The following PLCB4 variants were observed in gnomAD, a reference collection of about 807,000 sequenced individuals.
PLCB4 encodes 1-phosphatidylinositol 4,5-bisphosphate phosphodiesterase beta-4.
In PLCB4, 77 loss-of-function variants were observed where a neutral mutation model predicts 178.8. The observed-to-expected ratio is 0.43, with a 90% CI of 0.36 to 0.52. The LOEUF (loss-of-function observed/expected upper bound fraction) is 0.52. Ranked by LOEUF, PLCB4 falls within the 20% of genes least tolerant of loss-of-function variation. PLCB4 has a pLI of 0.00. For missense variants in PLCB4, 1,024 were observed against 1,453.4 expected (o/e 0.70, Z 4.80); for synonymous variants, 496 against 490.8 (o/e 1.01, Z -0.14).
intron 15 of PLCB4, 74 bp downstream of exon 15, chr20:9,387,630 AAAAC>A: frequency 3.0e-6 from 2 of 663,876 alleles, no homozygotes; most frequent in Non-Finnish European, 5.3e-6. Flanking sequence ...TGGAGAAGAG[AAAAC>A]AAATGATTCA....
chr20:9,274,320 C>G (rs1320564137), intron 3 of PLCB4, among the ~76,000 whole-genome samples: 2 of 152,028 alleles, frequency 1.3e-5, no homozygotes, highest in Non-Finnish European at 2.9e-5. Context: ...CGAATACTTT[C>G]AGTAAACTTT....
Position 9,337,166 on chromosome 20 carries a change from A to T in PLCB4, c.125A>T (p.Asp42Val). 6.2e-7 allele frequency: 1 copy of T among 1,613,364 alleles called. No individual in the cohort carries two copies. Residue 42 changes from aspartate to valine, a missense_variant, in exon 5 of 40, where the codon GAT becomes GTT. Physicochemically the swap from Asp to Val is radical, Grantham distance 152. Transcript: ENST00000378473. Reference protein sequence around the residue: ...VFEPNCLFKVDEFGFFLTWRS... With the variant: ...VFEPNCLFKVVEFGFFLTWRS... ...GAACCCAACTGCCTCTTCAAAGTGGATGAGTTTGGCTTCTTTCTGACATGG... is the reference window on the plus strand; with the variant it reads ...GAACCCAACTGCCTCTTCAAAGTGGTTGAGTTTGGCTTCTTTCTGACATGG...
At chr20:9,310,436 C>T (rs960413136) in intron 4 of PLCB4, among the ~76,000 whole-genome samples, 3 of 152,120 alleles carry the variant, frequency 2.0e-5, no homozygotes, top group African/African-American at 2.4e-5. Flanking sequence ...AGCAGCTGGG[C>T]ACAGTGTCTT....
intron 1 of PLCB4, among the ~76,000 whole-genome samples, chr20:9,076,550 GC>G (rs1379750472): frequency 6.6e-6 from 1 of 152,160 alleles, no homozygotes; most frequent in Non-Finnish European, 1.5e-5. Context: ...AGGTTCTCTT[GC>G]CTGCCTCACT....
At chr20:9,324,727 A>G (rs2030140636) in intron 4 of PLCB4, among the ~76,000 whole-genome samples, 1 of 152,094 alleles carries the variant, frequency 6.6e-6, no homozygotes, top group Non-Finnish European at 1.5e-5. Flanking sequence ...CTTATTTTAG[A>G]CACAATAAAA....
intron 35 of PLCB4, among the ~76,000 whole-genome samples, chr20:9,462,620 G>A (rs1399211905): frequency 6.6e-6 from 1 of 152,172 alleles, no homozygotes; most frequent in East Asian, 1.9e-4. Context: ...CGTGACACAT[G>A]CACAAGCTTC....
Position 9,410,901 on chromosome 20 carries a change from C to A in PLCB4, c.2000-136C>A, listed in dbSNP as rs1315894045. On this transcript the variant is annotated intron_variant, in intron 24 of 39. Coordinates refer to ENST00000378473, the MANE Select transcript of PLCB4 (RefSeq NM_001377142.1). ...TGGAAGAGAGTATGCCTTAAATAGA[C>A]CAAGCAGAACCTTGTAGTATTAAAG... 9 of 623,852 alleles carry A rather than the reference C, an allele frequency of 1.4e-5. No individual in the cohort carries two copies. The South Asian group carries it at 1.6e-4, about 11-fold the overall frequency. The allele number at this position is 623,852 out of a possible 1,614,324, so 38.6% of individuals were successfully genotyped here. A position where few individuals can be genotyped will look rare whatever the true frequency, so the allele number is the denominator to read the frequency against.
intron 3 of PLCB4, among the ~76,000 whole-genome samples, chr20:9,244,759 T>C (rs959501265): frequency 6.6e-6 from 1 of 152,244 alleles, no homozygotes; most frequent in Admixed American, 6.5e-5. Context: ...TTGCAATAAA[T>C]AGTAGGCACC....
intron 30 of PLCB4, 72 bp downstream of exon 30, chr20:9,437,224 T>G: frequency 9.1e-6 from 12 of 1,317,404 alleles, no homozygotes; most frequent in Non-Finnish European, 1.3e-5. Flanking sequence ...ATCTATAGCT[T>G]TAGGAAATAT....
chr20:9,176,496 A>G lies in PLCB4; in HGVS notation c.-78-40894A>G, dbSNP rs141399720. Among the ~76,000 whole-genome samples, 360 of 152,306 alleles carry G rather than the reference A, an allele frequency of 2.4e-3. 1 individual carries two copies. Among genetic ancestry groups the G allele is most frequent in the Middle Eastern group, 0.014 (4 of 294 alleles). On this transcript the variant is annotated intron_variant, in intron 2 of 39. Coordinates refer to ENST00000378473, the MANE Select transcript of PLCB4 (RefSeq NM_001377142.1). The stretch of plus-strand genomic sequence containing the variant: ...TTTTCACTAGGCCATTTTTACATGT[A>G]TTATCAGACAAATAGAAAAAAACCT...
chr20:9,250,643 G>T (rs1018654527), intron 3 of PLCB4, among the ~76,000 whole-genome samples: 35 of 152,352 alleles, frequency 2.3e-4, no homozygotes, highest in African/African-American at 8.2e-4. Flanking sequence ...TCTTGCAGGT[G>T]AGGGATTCAA....
At position 9,174,094 on chromosome 20, in the gene PLCB4, C is replaced by T. The variant is rs903587802; in HGVS notation, c.-78-43296C>T. On this transcript the variant is annotated intron_variant, in intron 2 of 39. Transcript: ENST00000378473. ...AAAATAAAACAACTCTCCTTTATTT[C>T]TTGGCTTGGTTTTGCTGCTACTGCT... is the stretch of plus-strand genomic sequence containing the variant. Among the ~76,000 whole-genome samples, 7 of 151,974 alleles carry T rather than the reference C, an allele frequency of 4.6e-5. 1 individual carries two copies. Among genetic ancestry groups the T allele is most frequent in the African/African-American group, 1.5e-4 (6 of 41,378 alleles).
At chr20:9,444,377 AAAT>A in intron 32 of PLCB4, 134 bp downstream of exon 32, 1 of 602,698 alleles carries the variant, frequency 1.7e-6, no homozygotes, top group Non-Finnish European at 2.9e-6. Context: ...TGAAATTAAA[AAAT>A]AGAATCGGTT....
At chr20:9,395,438 GTCC>G in intron 18 of PLCB4, 82 bp from the exon 19 acceptor site, 1 of 850,040 alleles carries the variant, frequency 1.2e-6, no homozygotes. Flanking sequence ...CTCTTTTCAC[GTCC>G]TCCTCAGTGT....
intron 3 of PLCB4, among the ~76,000 whole-genome samples, chr20:9,217,823 G>C (rs2093750085): frequency 6.6e-6 from 1 of 152,208 alleles, no homozygotes; most frequent in African/African-American, 2.4e-5. Flanking sequence ...TTTTGCTTAA[G>C]AAGATTCCCA....
chr20:9,239,251 CA>C (rs1210404211), intron 3 of PLCB4, among the ~76,000 whole-genome samples: 1 of 152,202 alleles, frequency 6.6e-6, no homozygotes, highest in East Asian at 1.9e-4. Flanking sequence ...CACTTCTTAA[CA>C]GTCCTCTTTT....
At chr20:9,225,661 A>G (rs368030806) in intron 3 of PLCB4, among the ~76,000 whole-genome samples, 8 of 152,128 alleles carry the variant, frequency 5.3e-5, no homozygotes, top group East Asian at 1.9e-4. Context: ...CACCTGTTCC[A>G]CACACTCCCA....
chr20:9,423,793 G>A lies in PLCB4; in HGVS notation c.2365G>A (p.Asp789Asn), dbSNP rs754091363. 1 of 1,613,976 alleles carries A rather than the reference G, an allele frequency of 6.2e-7. No homozygotes were observed. The highest frequency in any genetic ancestry group is 1.3e-5 in the African/African-American group (1 of 75,056). Residue 789 changes from aspartate (D) to asparagine (N), a missense_variant, in exon 28 of 40, where the codon GAT (aspartate) becomes AAT (asparagine). Around this residue, in one of 7 missense-constraint regions of PLCB4, gnomAD observed 227 missense variants for 374.3 expected, o/e 0.61. Coordinates refer to ENST00000378473, the MANE Select transcript of PLCB4 (RefSeq NM_001377142.1). ...TGTCTTGAGAATAGCTGTGTATGAT[G>A]ATAACAACAAGCTGATTGGCCAGAG... ...LAVLRIAVYD[D>N]NNKLIGQRIL...
intron 2 of PLCB4, among the ~76,000 whole-genome samples, chr20:9,138,174 C>A (rs1221015096): frequency 1.3e-5 from 2 of 152,020 alleles, no homozygotes; most frequent in African/African-American, 4.8e-5. Context: ...GGAAGGTGTG[C>A]ATTTCCTGGT....
Sources: allele counts gnomAD v4.1 joint callset (sites outside exome capture counted in the v4.1 genomes callset), GRCh38; gene constraint gnomAD v4.1.1; regional missense constraint gnomAD v4.1.1; transcripts MANE v1.5; gene names NCBI Gene and HGNC (gene_info 2026-07-23, HGNC 2026-07-21).